The following C1orf198 variants were observed in gnomAD, a reference collection of about 807,000 sequenced individuals.
C1orf198 encodes the protein uncharacterized protein C1orf198.
C1orf198 carries 17 observed loss-of-function variants against 31.4 expected under a neutral mutation model. The ratio of observed to expected loss-of-function variants is 0.54; its 90% CI spans 0.37 to 0.81. C1orf198 has a LOEUF of 0.81. Ranked by LOEUF, C1orf198 falls within the 40% of genes least tolerant of loss-of-function variation. C1orf198 has a pLI of 0.00. For synonymous variants in C1orf198, 175 were observed against 193.8 expected, an observed-to-expected ratio of 0.90 and a Z score of 0.81; for missense variants, 401 against 450.3, an observed-to-expected ratio of 0.89 and a Z score of 0.99.
At chr1:230,863,232 T>C (rs1190163457) in intron 1 of C1orf198, among the ~76,000 whole-genome samples, 1 of 152,066 alleles carries the variant, frequency 6.6e-6, no homozygotes, top group Non-Finnish European at 1.5e-5. Context: ...TTTTCCACCA[T>C]GAATACGAAT....
chr1:230,865,221 C>T (rs1670091821), intron 1 of C1orf198, among the ~76,000 whole-genome samples: 1 of 152,208 alleles, frequency 6.6e-6, no homozygotes, highest in African/African-American at 2.4e-5. Flanking sequence ...TTGCTGCTGG[C>T]ATGGCCAGGA....
At chr1:230,862,356 G>A (rs1050533812) in intron 1 of C1orf198, among the ~76,000 whole-genome samples, 2 of 152,160 alleles carry the variant, frequency 1.3e-5, no homozygotes, top group Non-Finnish European at 2.9e-5. Context: ...ACAGGAGTGA[G>A]GTAATCACAT....
rs150897437 is a variant in C1orf198 at position 230,859,317 on chromosome 1, C to G, written c.334-3599G>C. Among the ~76,000 whole-genome samples, 10 of 152,262 alleles carry G rather than the reference C, an allele frequency of 6.6e-5. No homozygotes were observed. In the East Asian group the frequency reaches 1.9e-3, roughly 29 times the overall value. ...GCCAGGCACATGCTTTTGGACCAAT[C>G]ACATATGCTTTTTCTAGGACTGCTT... On this transcript the variant is annotated intron_variant, in intron 1 of 3. Transcript: ENST00000366663.
At chr1:230,847,945 C>T (rs1486277962) in intron 2 of C1orf198, among the ~76,000 whole-genome samples, 1 of 152,188 alleles carries the variant, frequency 6.6e-6, no homozygotes, top group East Asian at 1.9e-4. Flanking sequence ...GACAGAACTT[C>T]CTGTGTACGT....
chr1:230,844,428 C>T (rs778855804), intron 2 of C1orf198, among the ~76,000 whole-genome samples: 3 of 152,078 alleles, frequency 2.0e-5, no homozygotes, highest in Admixed American at 6.5e-5. Context: ...AAGCAGATGC[C>T]GATGCCATGT....
chr1:230,841,500 A>C (rs1669440605), intron 3 of C1orf198, among the ~76,000 whole-genome samples: 1 of 152,224 alleles, frequency 6.6e-6, no homozygotes, highest in African/African-American at 2.4e-5. Context: ...ATTTCTCCAA[A>C]GAAGATACAC....
At chr1:230,856,249 G>C (rs1300700408) in intron 1 of C1orf198, 1 of 152,840 alleles carries the variant, frequency 6.5e-6, no homozygotes, top group Admixed American at 6.5e-5. Flanking sequence ...CTCCCCAACA[G>C]GCCTACCAGA....
intron 1 of C1orf198, among the ~76,000 whole-genome samples, chr1:230,862,968 G>T (rs1358672752): frequency 6.6e-6 from 1 of 152,198 alleles, no homozygotes; most frequent in Non-Finnish European, 1.5e-5. Flanking sequence ...CAATTTTGCT[G>T]TGAATCTAAA....
At chr1:230,856,495 C>T (rs961783878) in intron 1 of C1orf198, among the ~76,000 whole-genome samples, 4 of 152,160 alleles carry the variant, frequency 2.6e-5, no homozygotes, top group African/African-American at 9.7e-5. Flanking sequence ...CCTCTACCCG[C>T]AGTTATTCCT....
intron 2 of C1orf198, among the ~76,000 whole-genome samples, chr1:230,854,348 C>T (rs928753778): frequency 6.6e-6 from 1 of 152,062 alleles, no homozygotes; most frequent in South Asian, 2.1e-4. Context: ...TATTGAGGGC[C>T]CTGGCTAAGA....
chr1:230,854,985 C>T (rs1190638476), intron 2 of C1orf198, among the ~76,000 whole-genome samples: 1 of 152,240 alleles, frequency 6.6e-6, no homozygotes, highest in Non-Finnish European at 1.5e-5. Flanking sequence ...CCCTCCAACA[C>T]ACATCACCAA....
rs556875425 is a variant in C1orf198 at position 230,837,487 on chromosome 1, C to T, written c.*2365G>A. Reference sequence around the variant, plus strand: ...ATCCAAAATCATGCTCAGGTTTCTCCTGAAAAGTGTGTATTTTCTAAAAAA... The same window carrying T: ...ATCCAAAATCATGCTCAGGTTTCTCTTGAAAAGTGTGTATTTTCTAAAAAA... On this transcript the variant is annotated 3_prime_UTR_variant, in exon 4 of 4. Transcript: ENST00000366663. 1 of 152,340 alleles carries T rather than the reference C, an allele frequency of 6.6e-6. No homozygotes were observed. The highest frequency in any genetic ancestry group is 1.9e-4 in the East Asian group (1 of 5,188). 9.4% of individuals were successfully genotyped at this position (152,340 alleles called of 1,614,324 possible). A position where few individuals can be genotyped will look rare whatever the true frequency, so the allele number is the denominator to read the frequency against.
chr1:230,858,533 T>C (rs989006562), intron 1 of C1orf198, among the ~76,000 whole-genome samples: 41 of 151,908 alleles, frequency 2.7e-4, no homozygotes, highest in Admixed American at 2.0e-3. Flanking sequence ...ATCCACAGGG[T>C]AGAGTAGAGA....
Position 230,843,974 on chromosome 1 carries a change from C to T in C1orf198, c.385-78G>A. On this transcript the variant is annotated intron_variant, in intron 2 of 3. Transcript: ENST00000366663. The surrounding 1 kb of genome is among the most constrained non-coding windows in gnomAD (Gnocchi z 4.9). ...ACCGTCACAAGTGTGCCAGCTCACG[C>T]ACCCCTCCTCAGCATAAGGACGCAC... 7.1e-7 allele frequency: 1 copy of T among 1,404,910 alleles called. No individual in the cohort carries two copies. The allele number at this position is 1,404,910 out of a possible 1,614,324, so 87.0% of individuals were successfully genotyped here.
In C1orf198 at chr1:230,843,306, G is replaced by T; in HGVS notation, c.927+48C>A. ...GTGGGGGACCCTCTCGGTTCCCGTGGAATAAGGCACCATCCCATCTGAGGA... is the reference window on the plus strand; with the variant it reads ...GTGGGGGACCCTCTCGGTTCCCGTGTAATAAGGCACCATCCCATCTGAGGA... On this transcript the variant is annotated intron_variant, in intron 3 of 3. Coordinates refer to ENST00000366663, the MANE Select transcript of C1orf198 (RefSeq NM_032800.3). This position sits in a 1 kb window ranked among gnomAD's most constrained non-coding sequence, Gnocchi z 4.9. 6.5e-7 allele frequency: 1 copy of T among 1,540,318 alleles called. No homozygotes were observed. The highest frequency in any genetic ancestry group is 1.2e-5 in the South Asian group (1 of 82,240).
chr1:230,839,996 C>T, intron 3 of C1orf198, 88 bp from the exon 4 acceptor site: 1 of 1,222,450 alleles, frequency 8.2e-7, no homozygotes, highest in Non-Finnish European at 1.2e-6. Context: ...TTTAAAACGA[C>T]CCAGATAAAA....
At chr1:230,867,265 G>A (rs1252084817) in intron 1 of C1orf198, among the ~76,000 whole-genome samples, 1 of 152,144 alleles carries the variant, frequency 6.6e-6, no homozygotes, top group African/African-American at 2.4e-5. Context: ...CACCAAACAG[G>A]CTTCGGTTAA....
rs1669362755 is a variant in C1orf198, at chr1:230,838,577, G to A, written c.*1275C>T. ...TGAAACCGAGCGCTCACTGGCAGGT[G>A]TCGCAAAGATTAAGGCTTCAGGTGA... is the stretch of plus-strand genomic sequence containing the variant. On this transcript the variant is annotated 3_prime_UTR_variant, in exon 4 of 4. Transcript: ENST00000366663. This position sits in a 1 kb window ranked among gnomAD's most constrained non-coding sequence, Gnocchi z 4.2. The A allele has an allele frequency of 6.6e-6, 1 of 152,550 alleles. No homozygotes were observed. The highest frequency in any genetic ancestry group is 1.5e-5 in the Non-Finnish European group (1 of 68,026). 9.4% of individuals were successfully genotyped at this position (152,550 alleles called of 1,614,324 possible).
At chr1:230,849,613 C>G (rs967981103) in intron 2 of C1orf198, among the ~76,000 whole-genome samples, 4 of 152,190 alleles carry the variant, frequency 2.6e-5, no homozygotes, top group African/African-American at 7.2e-5. Context: ...GGACCACAAC[C>G]GAGCCCAGTG....
Sources: gnomAD v4.1 joint callset for allele counts (sites outside exome capture counted in the v4.1 genomes callset) on GRCh38, gnomAD v4.1.1 for gene constraint, Gnocchi (gnomAD v3.1) non-coding constraint, MANE v1.5 for transcripts, NCBI Gene and HGNC (gene_info 2026-07-23, HGNC 2026-07-21) for gene names.